Variants in ASS1 observed in about 807,000 individuals in gnomAD.
ASS1 encodes the protein argininosuccinate synthase.
A neutral mutation model predicts 60.5 loss-of-function variants in ASS1; 58 were observed. That is an observed-to-expected ratio of 0.96 (90% CI 0.78 to 1.19). The LOEUF is 1.19. ASS1 is among the 50% of genes most tolerant of loss of function. The probability of loss-of-function intolerance (pLI) is 0.00; values close to 1 mark genes in which losing one functional copy is unlikely to be tolerated. For synonymous variants in ASS1, 200 were observed against 206.9 expected, an observed-to-expected ratio of 0.97 and a Z score of 0.29; for missense variants, 454 against 547.3, an observed-to-expected ratio of 0.83 and a Z score of 1.70.
chr9:130,483,758 T>TCCTTTCCCCCTCCCTCTCTC (rs1846229779), intron 11 of ASS1, among the ~76,000 whole-genome samples: 1 of 106,366 alleles, frequency 9.4e-6, no homozygotes, highest in Admixed American at 9.3e-5. Flanking sequence ...CTCCTTGCCT[T>TCCTTTCCCCCTCCCTCTCTC]CCTTTCCTCC....
At position 130,466,851 on chromosome 9, in the gene ASS1, CG is replaced by C. The variant is rs753127444; in HGVS notation, c.495+55del. 4 of 1,583,670 alleles carry C rather than the reference CG, an allele frequency of 2.5e-6. 1 individual carries two copies. The South Asian group carries it at 3.3e-5, about 13-fold the overall frequency. ...CAACCTTTCCCTATAGCCCCCTTCC[CG>C]GGCACGTCCCTGCTGGGGGCTGTCT... On this transcript the variant is annotated intron_variant, in intron 6 of 14. Coordinates refer to ENST00000352480, the MANE Select transcript of ASS1 (RefSeq NM_054012.4).
intron 11 of ASS1, among the ~76,000 whole-genome samples, chr9:130,484,049 C>T (rs569433120): frequency 5.9e-5 from 9 of 152,118 alleles, no homozygotes; most frequent in Non-Finnish European, 7.4e-5. Flanking sequence ...GGATGGGGCC[C>T]GCCAGGCACC....
intron 11 of ASS1, among the ~76,000 whole-genome samples, chr9:130,480,856 C>G (rs1224852530): frequency 6.6e-6 from 1 of 152,244 alleles, no homozygotes; most frequent in Non-Finnish European, 1.5e-5. Flanking sequence ...GGCGAAAATC[C>G]TGCCAGGGGT....
intron 4 of ASS1, among the ~76,000 whole-genome samples, chr9:130,460,745 G>A (rs1845570334): frequency 6.6e-6 from 1 of 152,142 alleles, no homozygotes; most frequent in Non-Finnish European, 1.5e-5. Context: ...ATTAGTGGGT[G>A]GAAGGAGGTC....
chr9:130,449,767 C>T (rs1219027866), intron 1 of ASS1, among the ~76,000 whole-genome samples: 1 of 152,184 alleles, frequency 6.6e-6, no homozygotes, highest in Non-Finnish European at 1.5e-5. Context: ...CTAAGACGGA[C>T]ATGTCTATTC....
rs1846364689 is a variant in ASS1 at position 130,488,577 on chromosome 9, C to T, written c.839-756C>T. 6.6e-6 allele frequency among the ~76,000 whole-genome samples: 1 copy of T among 152,234 alleles called. No individual in the cohort carries two copies. The highest frequency in any genetic ancestry group is 1.9e-4 in the East Asian group (1 of 5,196). On this transcript the variant is annotated intron_variant, in intron 11 of 14. Coordinates refer to ENST00000352480, the MANE Select transcript of ASS1 (RefSeq NM_054012.4). The surrounding 1 kb of genome is among the most constrained non-coding windows in gnomAD (Gnocchi z 5.2). ...TCACTCGGAGATCATCTGTTCCAAG[C>T]AGGTTGTTTTCCAAATGGAGGGACT...
At chr9:130,448,417 C>T (rs73657382) in intron 1 of ASS1, among the ~76,000 whole-genome samples, 751 of 72,878 alleles carry the variant, frequency 0.01, 10 homozygotes, top group African/African-American at 0.033. Flanking sequence ...CAGGTGTGTG[C>T]GCGCGCACAC....
Position 130,470,184 on chromosome 9 carries a change from C to T in ASS1, c.496-650C>T, listed in dbSNP as rs533343500. Among the ~76,000 whole-genome samples the T allele has an allele frequency of 1.3e-4, 20 of 152,296 alleles. No homozygotes were observed. The highest frequency in any genetic ancestry group is 6.2e-4 in the South Asian group (3 of 4,834). ...GACCTGCAGCCCTCTTAGCCTGGGC[C>T]TCCTGGGCAGAGGTGGGTGTCCTCC... On this transcript the variant is annotated intron_variant, in intron 6 of 14. Coordinates refer to ENST00000352480, the MANE Select transcript of ASS1 (RefSeq NM_054012.4). The surrounding 1 kb of genome is among the most constrained non-coding windows in gnomAD (Gnocchi z 4.3).
intron 1 of ASS1, among the ~76,000 whole-genome samples, chr9:130,450,659 C>T (rs933155655): frequency 2.0e-5 from 3 of 152,234 alleles, no homozygotes; most frequent in South Asian, 2.1e-4. Flanking sequence ...TCTCATGTGA[C>T]GGAGCTCCAA....
intron 13 of ASS1, among the ~76,000 whole-genome samples, chr9:130,496,083 G>T (rs868631958): frequency 6.6e-6 from 1 of 152,102 alleles, no homozygotes; most frequent in Non-Finnish European, 1.5e-5. Flanking sequence ...TCTCTGAAGC[G>T]CTGGGCCAAG....
intron 4 of ASS1, among the ~76,000 whole-genome samples, chr9:130,463,281 C>T (rs112750121): frequency 0.034 from 5,219 of 152,366 alleles, 124 homozygotes; most frequent in Admixed American, 0.055. Flanking sequence ...CATTTTCTCT[C>T]TGGGGACAGA....
Position 130,499,556 on chromosome 9 carries a change from C to G in ASS1, c.1179C>G (p.Asn393Lys), listed in dbSNP as rs754836732. The G allele has an allele frequency of 6.2e-7, 1 of 1,613,670 alleles. No individual in the cohort carries two copies. Among genetic ancestry groups the G allele is most frequent in the Non-Finnish European group, 8.5e-7 (1 of 1,179,858 alleles). The stretch of plus-strand genomic sequence containing the variant: ...CAACTGATGCCACCGGGTTCATCAA[C>G]ATCAATTCCCTCAGGTGAGAAGCTC... Reference protein sequence around the residue: ...YEPTDATGFININSLRLKEYH... With the variant: ...YEPTDATGFIKINSLRLKEYH... The change falls in exon 14 of 15, where the codon AAC becomes AAG. Residue 393 changes from asparagine (N) to lysine (K), a missense_variant. Asn to Lys is a moderately conservative substitution (Grantham distance 94). Coordinates refer to ENST00000352480, the MANE Select transcript of ASS1 (RefSeq NM_054012.4).
Position 130,494,743 on chromosome 9 carries a change from C to T in ASS1, c.971-124C>T, listed in dbSNP as rs957422863. 91 of 1,280,146 alleles carry T rather than the reference C, an allele frequency of 7.1e-5. No individual in the cohort carries two copies. Among genetic ancestry groups the T allele is most frequent in the South Asian group, 2.8e-4 (23 of 81,238 alleles). The allele number at this position is 1,280,146 out of a possible 1,614,324, so 79.3% of individuals were successfully genotyped here. Reference sequence around the variant, plus strand: ...GCAAGCGCACATTGTGCCAGTCTCGCGGGAGGCAGTCATGGTCTGCATGGC... The same window carrying T: ...GCAAGCGCACATTGTGCCAGTCTCGTGGGAGGCAGTCATGGTCTGCATGGC... On this transcript the variant is annotated intron_variant, in intron 12 of 14. Transcript: ENST00000352480. This position sits in a 1 kb window ranked among gnomAD's most constrained non-coding sequence, Gnocchi z 4.3.
intron 1 of ASS1, 129 bp from the exon 2 acceptor site, chr9:130,452,095 C>A: frequency 1.2e-6 from 1 of 801,240 alleles, no homozygotes; most frequent in Non-Finnish European, 2.1e-6. Flanking sequence ...CTGTTCCCGA[C>A]CTTCAGTGGC....
intron 1 of ASS1, among the ~76,000 whole-genome samples, chr9:130,449,115 A>G (rs10123082): frequency 0.87 from 132,124 of 152,082 alleles, 57,494 homozygotes; most frequent in East Asian, 0.9. Context: ...CAGATCGCTT[A>G]AGTCCAGGAG....
intron 3 of ASS1, among the ~76,000 whole-genome samples, chr9:130,454,958 A>C (rs1343991674): frequency 1.4e-5 from 2 of 146,070 alleles, no homozygotes; most frequent in Non-Finnish European, 3.0e-5. Flanking sequence ...TCATCCATCT[A>C]TCCATCTATC....
Position 130,489,569 on chromosome 9 carries a change from C to T in ASS1, c.970+105C>T, listed in dbSNP as rs1846397735. The T allele has an allele frequency of 3.8e-6, 6 of 1,562,298 alleles. No homozygotes were observed. The highest frequency in any genetic ancestry group is 5.3e-6 in the Non-Finnish European group (6 of 1,140,338). ...CTCCCCTCCGTATCAGCACCTTCCTCCCCTGCCGCCCACTGCCATCCTCAT... is the reference window on the plus strand; with the variant it reads ...CTCCCCTCCGTATCAGCACCTTCCTTCCCTGCCGCCCACTGCCATCCTCAT... On this transcript the variant is annotated intron_variant, in intron 12 of 14. Transcript: ENST00000352480. The surrounding 1 kb of genome is among the most constrained non-coding windows in gnomAD (Gnocchi z 4.1).
In ASS1 at chr9:130,499,526, T is replaced by G; in HGVS notation, c.1149T>G (p.Tyr383Ter). 1 of 1,613,882 alleles carries G rather than the reference T, an allele frequency of 6.2e-7. No homozygotes were observed. ...ELVSMNVQGD[Y>*]EPTDATGFIN... is the part of the protein sequence containing the mutation. ...GCAGCATGAACGTGCAGGGTGATTA[T>G]GAGCCAACTGATGCCACCGGGTTCA... Residue 383 changes from tyrosine (Y) to a stop codon, truncating the protein, a stop_gained, in exon 14 of 15, where the codon TAT becomes TAG. Transcript: ENST00000352480. LOFTEE classifies it high-confidence loss of function.
chr9:130,471,327 G>T (rs968763457), intron 7 of ASS1, among the ~76,000 whole-genome samples, 158 bp from the exon 8 acceptor site: 1 of 152,200 alleles, frequency 6.6e-6, no homozygotes, highest in Admixed American at 6.5e-5. Flanking sequence ...GGGTGACTAT[G>T]GTGGGCCCAG....
Sources: gnomAD v4.1 joint callset for allele counts (sites outside exome capture counted in the v4.1 genomes callset) on GRCh38, gnomAD v4.1.1 for gene constraint, Gnocchi (gnomAD v3.1) non-coding constraint, MANE v1.5 for transcripts, NCBI Gene and HGNC (gene_info 2026-07-23, HGNC 2026-07-21) for gene names.